Variants in GALNT7 observed in about 807,000 individuals in gnomAD.
The protein encoded by GALNT7 is polypeptide N-acetylgalactosaminyltransferase 7, also known as N-acetylgalactosaminyltransferase 7.
GALNT7 carries 60 observed loss-of-function variants against 82.1 expected under a neutral mutation model. The ratio of observed to expected loss-of-function variants is 0.73; its 90% CI spans 0.59 to 0.91. The LOEUF is 0.91. Among genes scored for constraint, GALNT7 ranks in the 40% least tolerant of loss-of-function variants. The probability of loss-of-function intolerance (pLI) is 0.00; values close to 1 mark genes in which losing one functional copy is unlikely to be tolerated. For synonymous variants in GALNT7, 243 were observed against 275.1 expected, an observed-to-expected ratio of 0.88 and a Z score of 1.15; for missense variants, 660 against 804.2, an observed-to-expected ratio of 0.82 and a Z score of 2.17.
chr4:173,287,090 A>G (rs925203655), intron 2 of GALNT7, among the ~76,000 whole-genome samples: 7 of 152,196 alleles, frequency 4.6e-5, no homozygotes. Context: ...CTTTCTTCCC[A>G]TATTAAGGGC....
chr4:173,241,222 A>AAAAAG (rs1734423272), intron 1 of GALNT7, among the ~76,000 whole-genome samples: 1 of 112,480 alleles, frequency 8.9e-6, no homozygotes, highest in Non-Finnish European at 1.9e-5. Flanking sequence ...AAAAAAAAAA[A>AAAAAG]AAAGAAAGAA....
chr4:173,269,257 G>C (rs772158788), intron 2 of GALNT7, among the ~76,000 whole-genome samples: 1 of 152,090 alleles, frequency 6.6e-6, no homozygotes, highest in Non-Finnish European at 1.5e-5. Flanking sequence ...ATCAAATTTT[G>C]TTTTTCCATT....
At chr4:173,199,499 G>A (rs73870539) in intron 1 of GALNT7, among the ~76,000 whole-genome samples, 2,773 of 152,236 alleles carry the variant, frequency 0.018, 90 homozygotes, top group African/African-American at 0.063. Context: ...AACCATCATC[G>A]TTACAGTTGT....
chr4:173,211,420 C>T (rs754477880), intron 1 of GALNT7, among the ~76,000 whole-genome samples: 6 of 152,168 alleles, frequency 3.9e-5, no homozygotes, highest in Non-Finnish European at 8.8e-5. Context: ...TGACTAAACA[C>T]GTCCTGTGTG....
intron 2 of GALNT7, among the ~76,000 whole-genome samples, chr4:173,274,471 G>A (rs1313421515): frequency 6.6e-6 from 1 of 152,086 alleles, no homozygotes; most frequent in East Asian, 1.9e-4. Context: ...AAACTTGTAG[G>A]TTTAAGGAAA....
At chr4:173,264,531 C>T (rs112543073) in intron 2 of GALNT7, among the ~76,000 whole-genome samples, 16 of 152,216 alleles carry the variant, frequency 1.1e-4, no homozygotes, top group Admixed American at 2.0e-4. Context: ...AAGAGGGAGT[C>T]GTCAATTTTT....
At chr4:173,321,550 T>A (rs770126522) in intron 11 of GALNT7, 30 bp from the exon 12 acceptor site, 11 of 1,586,474 alleles carry the variant, frequency 6.9e-6, no homozygotes, top group Non-Finnish European at 3.5e-6. Flanking sequence ...GGGTCCAAAT[T>A]TGAAACTTTT....
chr4:173,298,357 T>A (rs1736798745), intron 6 of GALNT7, 60 bp downstream of exon 6: 8 of 1,109,912 alleles, frequency 7.2e-6, no homozygotes, highest in Non-Finnish European at 1.0e-5. Flanking sequence ...CCTATTAACC[T>A]CTTGCCAAGC....
intron 7 of GALNT7, among the ~76,000 whole-genome samples, chr4:173,303,492 A>C (rs563123891): frequency 6.6e-6 from 1 of 152,354 alleles, no homozygotes; most frequent in South Asian, 2.1e-4. Flanking sequence ...ATTTTTATTT[A>C]ATTTGATAAG....
At chr4:173,226,719 A>T in intron 1 of GALNT7, among the ~76,000 whole-genome samples, 1 of 151,958 alleles carries the variant, frequency 6.6e-6, no homozygotes, top group Admixed American at 6.6e-5. Flanking sequence ...AAACACGTCC[A>T]CCTCCTCCTG....
intron 2 of GALNT7, among the ~76,000 whole-genome samples, chr4:173,259,375 A>G (rs991236695): frequency 1.3e-5 from 2 of 151,966 alleles, no homozygotes; most frequent in Non-Finnish European, 2.9e-5. Context: ...GTGGTAGTAC[A>G]GTAATCATTC....
At chr4:173,271,473 A>G (rs1235264033) in intron 2 of GALNT7, among the ~76,000 whole-genome samples, 2 of 152,158 alleles carry the variant, frequency 1.3e-5, no homozygotes, top group East Asian at 3.8e-4. Flanking sequence ...TTATTTATTG[A>G]GACAGAGTCT....
At chr4:173,243,363 C>T (rs972892251) in intron 1 of GALNT7, among the ~76,000 whole-genome samples, 1 of 152,154 alleles carries the variant, frequency 6.6e-6, no homozygotes, top group East Asian at 1.9e-4. Context: ...TTTTTCAGTC[C>T]ATTTCCACCT....
chr4:173,219,004 T>C (rs1733556269), intron 1 of GALNT7, among the ~76,000 whole-genome samples: 1 of 152,168 alleles, frequency 6.6e-6, no homozygotes, highest in Non-Finnish European at 1.5e-5. Flanking sequence ...CAACAGGTTT[T>C]TGGGTACAAG....
chr4:173,204,899 T>G (rs1335512924), intron 1 of GALNT7, among the ~76,000 whole-genome samples: 4 of 152,216 alleles, frequency 2.6e-5, no homozygotes, highest in African/African-American at 9.6e-5. Flanking sequence ...ATGTTAATAA[T>G]CTGTGCATTT....
intron 1 of GALNT7, among the ~76,000 whole-genome samples, chr4:173,176,094 A>G (rs1299092950): frequency 6.6e-6 from 1 of 152,174 alleles, no homozygotes; most frequent in East Asian, 1.9e-4. Flanking sequence ...ATTAAAAACA[A>G]AAAGAAAGAG....
At chr4:173,294,970 T>C (rs978035232) in intron 3 of GALNT7, among the ~76,000 whole-genome samples, 4 of 152,186 alleles carry the variant, frequency 2.6e-5, no homozygotes, top group African/African-American at 9.7e-5. Flanking sequence ...AAATAACCTA[T>C]ACCCTGTGTG....
chr4:173,305,399 G>T (rs1027041870), intron 8 of GALNT7, among the ~76,000 whole-genome samples: 1 of 152,016 alleles, frequency 6.6e-6, no homozygotes, highest in Non-Finnish European at 1.5e-5. Context: ...TTTGTTAATT[G>T]TTTCCTTTGC....
chr4:173,202,614 A>G (rs1021511377), intron 1 of GALNT7, among the ~76,000 whole-genome samples: 2 of 152,096 alleles, frequency 1.3e-5, no homozygotes, highest in Non-Finnish European at 2.9e-5. Context: ...GCTCACTACA[A>G]CTCAAACTGA....
Sources: allele counts gnomAD v4.1 joint callset (sites outside exome capture counted in the v4.1 genomes callset), GRCh38; gene constraint gnomAD v4.1.1; transcripts MANE v1.5; gene names NCBI Gene and HGNC (gene_info 2026-07-23, HGNC 2026-07-21).